CNTRL: variants seen among roughly 807,000 people sequenced by gnomAD.
CNTRL encodes the protein 110 kDa centrosomal protein.
In CNTRL, 233 loss-of-function variants were observed where a neutral mutation model predicts 303.7. The ratio of observed to expected loss-of-function variants is 0.77; its 90% CI spans 0.69 to 0.86. The LOEUF is 0.86. Ranked by LOEUF, CNTRL falls within the 40% of genes least tolerant of loss-of-function variation. The probability of loss-of-function intolerance (pLI) is 0.00; values close to 1 mark genes in which losing one functional copy is unlikely to be tolerated. For synonymous variants in CNTRL, 900 were observed against 922.2 expected (o/e 0.98, Z 0.44); for missense variants, 2,524 against 2,650.6 (o/e 0.95, Z 1.05).
intron 5 of CNTRL, 23 bp from the exon 6 acceptor site, chr9:121,096,399 T>C: frequency 6.9e-7 from 1 of 1,457,966 alleles, no homozygotes; most frequent in Middle Eastern, 1.9e-4. Flanking sequence ...TCACTAAATT[T>C]TATTTTATCC....
At chr9:121,086,659 GA>G (rs2048356322) in intron 2 of CNTRL, among the ~76,000 whole-genome samples, 1 of 114,110 alleles carries the variant, frequency 8.8e-6, no homozygotes, top group Non-Finnish European at 1.7e-5. Context: ...TTTTTTTCCT[GA>G]GATGGAGTCT....
chr9:121,162,938 G>A (rs1295861105), intron 34 of CNTRL, among the ~76,000 whole-genome samples: 1 of 152,144 alleles, frequency 6.6e-6, no homozygotes, highest in East Asian at 1.9e-4. Flanking sequence ...ATCTTTTTCA[G>A]TAGAGAAAAG....
intron 13 of CNTRL, among the ~76,000 whole-genome samples, chr9:121,125,456 G>C (rs758882901): frequency 7.2e-5 from 11 of 152,066 alleles, no homozygotes; most frequent in Non-Finnish European, 1.0e-4. Context: ...ACCACACCCG[G>C]CCGAAATTAA....
At chr9:121,152,950 A>G (rs2052363026) in intron 26 of CNTRL, among the ~76,000 whole-genome samples, 1 of 152,170 alleles carries the variant, frequency 6.6e-6, no homozygotes, top group Non-Finnish European at 1.5e-5. Flanking sequence ...CAATAATACA[A>G]ATCAGCTCTT....
At chr9:121,076,792 A>C (rs1178518836) in intron 1 of CNTRL, among the ~76,000 whole-genome samples, 1 of 152,154 alleles carries the variant, frequency 6.6e-6, no homozygotes, top group Non-Finnish European at 1.5e-5. Flanking sequence ...AATCGGAATC[A>C]GGATATTTGA....
intron 12 of CNTRL, among the ~76,000 whole-genome samples, chr9:121,118,742 A>G (rs761139582): frequency 2.6e-5 from 4 of 151,976 alleles, no homozygotes; most frequent in East Asian, 1.9e-4. Flanking sequence ...ATATATTAGG[A>G]AAAAAAAGGA....
chr9:121,089,410 A>G (rs764935537), intron 3 of CNTRL, among the ~76,000 whole-genome samples: 2 of 152,218 alleles, frequency 1.3e-5, no homozygotes, highest in Non-Finnish European at 2.9e-5. Context: ...CTCGTAAGGC[A>G]GGAACCAAGA....
chr9:121,131,178 G>T (rs1201002780), intron 14 of CNTRL, among the ~76,000 whole-genome samples: 3 of 152,140 alleles, frequency 2.0e-5, no homozygotes, highest in Admixed American at 6.5e-5. Flanking sequence ...TCAATTCCTG[G>T]ATATCCTTGT....
chr9:121,173,352 A>AT lies in CNTRL; in HGVS notation c.6528dup (p.Gln2177SerfsTer37). 6.2e-7 allele frequency: 1 copy of AT among 1,614,182 alleles called. No individual in the cohort carries two copies. The highest frequency in any genetic ancestry group is 8.5e-7 in the Non-Finnish European group (1 of 1,180,002). On this transcript the variant is annotated frameshift_variant, in exon 41 of 44. Coordinates refer to ENST00000373855, the MANE Select transcript of CNTRL (RefSeq NM_007018.6). LOFTEE classifies it high-confidence loss of function. ...ATCAGAACCAGCTTGAAGAATCTTAATCAGTTTCTTCCAGAACTACCAGCA... is the reference window on the plus strand; with the variant it reads ...ATCAGAACCAGCTTGAAGAATCTTAATTCAGTTTCTTCCAGAACTACCAGCA...
At chr9:121,171,184 ATAG>A in intron 39 of CNTRL, 1 of 616,482 alleles carries the variant, frequency 1.6e-6, no homozygotes, top group South Asian at 1.5e-5. Context: ...TCAGAAAGGG[ATAG>A]TAGCTTATTA....
In CNTRL at chr9:121,115,101, ACT is replaced by A; in HGVS notation, c.1357_1358del (p.Leu453IlefsTer5). ...EKKISAAQTRLSELHDEIEKA... is the reference protein window; with the variant it reads ...EKKISAAQTRXSELHDEIEKA... ...TTTTTAAATTTGCAGCACAAACTCG[ACT>A]ATCAGAACTGCATGATGAAATAGAA... is the stretch of plus-strand genomic sequence containing the variant. On this transcript the variant is annotated frameshift_variant, in exon 11 of 44. Transcript: ENST00000373855. LOFTEE classifies it high-confidence loss of function. 1 of 1,591,752 alleles carries A rather than the reference ACT, an allele frequency of 6.3e-7. No individual in the cohort carries two copies. The highest frequency in any genetic ancestry group is 1.2e-5 in the South Asian group (1 of 86,620).
intron 12 of CNTRL, chr9:121,121,847 G>C: frequency 1.0e-6 from 1 of 985,426 alleles, no homozygotes; most frequent in Non-Finnish European, 1.2e-6. Flanking sequence ...GTGGCTGTCA[G>C]AGAGGGAAGT....
chr9:121,087,107 A>AAGCAGACTT (rs1346529853), intron 2 of CNTRL, among the ~76,000 whole-genome samples: 1 of 152,176 alleles, frequency 6.6e-6, no homozygotes, highest in East Asian at 1.9e-4. Context: ...AAATGGAAAG[A>AAGCAGACTT]AGCAGACTTA....
intron 27 of CNTRL, among the ~76,000 whole-genome samples, chr9:121,155,778 T>C (rs1452493237): frequency 6.6e-6 from 1 of 151,936 alleles, no homozygotes; most frequent in African/African-American, 2.4e-5. Flanking sequence ...CTTGGTTTAC[T>C]GATGTAGCTC....
At chr9:121,088,580 T>C (rs2132253121) in intron 3 of CNTRL, 37 bp downstream of exon 3, 1 of 1,377,368 alleles carries the variant, frequency 7.3e-7, no homozygotes, top group East Asian at 2.3e-5. Context: ...TCTGACCACA[T>C]ACTTCAAGTA....
At chr9:121,121,008 AG>A (rs1283069281) in intron 12 of CNTRL, among the ~76,000 whole-genome samples, 1 of 152,208 alleles carries the variant, frequency 6.6e-6, no homozygotes, top group Non-Finnish European at 1.5e-5. Flanking sequence ...ATCCCATTTT[AG>A]GCTACAAAAT....
At chr9:121,108,040 A>G in intron 8 of CNTRL, 45 bp downstream of exon 8, 1 of 1,345,438 alleles carries the variant, frequency 7.4e-7, no homozygotes, top group Non-Finnish European at 1.0e-6. Context: ...CTCATAAGAC[A>G]GATAATTCTT....
At chr9:121,149,530 C>T (rs139955384) in intron 24 of CNTRL, among the ~76,000 whole-genome samples, 15 of 152,090 alleles carry the variant, frequency 9.9e-5, no homozygotes, top group East Asian at 3.9e-4. Context: ...TTCAGCCTCC[C>T]GAGTAGCTGG....
At chr9:121,094,768 A>G in intron 4 of CNTRL, 120 bp from the exon 5 acceptor site, 2 of 662,268 alleles carry the variant, frequency 3.0e-6, no homozygotes, top group Non-Finnish European at 5.0e-6. Flanking sequence ...CCAGGAGAGC[A>G]GTAAGGGTAT....
Sources: gnomAD v4.1 joint callset for allele counts (sites outside exome capture counted in the v4.1 genomes callset) on GRCh38, gnomAD v4.1.1 for gene constraint, MANE v1.5 for transcripts, NCBI Gene and HGNC (gene_info 2026-07-23, HGNC 2026-07-21) for gene names.